Variants in DENND5B observed in about 807,000 individuals in gnomAD.
DENND5B encodes DENN domain containing 5B.
A neutral mutation model predicts 140.6 loss-of-function variants in DENND5B; 34 were observed. That is an observed-to-expected ratio of 0.24 (90% CI 0.18 to 0.32). DENND5B has a LOEUF of 0.32. Ranked by LOEUF, DENND5B falls within the 10% of genes least tolerant of loss-of-function variation. DENND5B has a pLI of 1.00. For synonymous variants in DENND5B, 551 were observed against 562.1 expected (o/e 0.98, Z 0.28); for missense variants, 1,142 against 1,560.2 (o/e 0.73, Z 4.52).
chr12:31,392,125 T>A (rs1468427820), intron 19 of DENND5B, 142 bp downstream of exon 19: 6 of 831,142 alleles, frequency 7.2e-6, no homozygotes, highest in African/African-American at 5.5e-5. Context: ...GGCAACAGAG[T>A]AAGATTCCGT....
chr12:31,387,680 G>C lies in DENND5B; in HGVS notation c.3748C>G (p.Leu1250Val), dbSNP rs754529686. ...TGAATGGTCTGCAGAATTCGGATAA[G>C]GGAGTTGACAGTCATGCGGTCTCGC... Reference protein sequence around the residue: ...LLRDRMTVNSLIRILQTIQDF... With the variant: ...LLRDRMTVNSVIRILQTIQDF... Residue 1250 changes from leucine to valine, a missense_variant, in exon 21 of 21, where the codon CTT becomes GTT. By Grantham distance (32) the Leu-to-Val change is conservative. Around this residue, in one of 5 missense-constraint regions of DENND5B, gnomAD observed 125 missense variants for 179.0 expected, o/e 0.70. Coordinates refer to ENST00000389082, the MANE Select transcript of DENND5B (RefSeq NM_144973.4). 5.6e-6 allele frequency: 9 copies of C among 1,614,058 alleles called. No homozygotes were observed. In the Admixed American group the frequency reaches 1.5e-4, roughly 27 times the overall value.
Position 31,501,490 on chromosome 12 carries a change from G to A in DENND5B, c.128-5571C>T, listed in dbSNP as rs897592745. 2.6e-5 allele frequency among the ~76,000 whole-genome samples: 4 copies of A among 152,256 alleles called. No homozygotes were observed. In the South Asian group the frequency reaches 8.3e-4, roughly 32 times the overall value. ...AGTAAAAACTAAAGAAATCTAAATA[G>A]AGGCCGGGCGCAGTGGCTCATGCCC... On this transcript the variant is annotated intron_variant, in intron 1 of 20. Transcript: ENST00000389082.
At chr12:31,461,061 T>TGC (rs1465056799) in intron 3 of DENND5B, among the ~76,000 whole-genome samples, 1 of 152,008 alleles carries the variant, frequency 6.6e-6, no homozygotes, top group Non-Finnish European at 1.5e-5. Context: ...TATACATGAA[T>TGC]GCTTACACAA....
intron 1 of DENND5B, among the ~76,000 whole-genome samples, chr12:31,573,226 T>A (rs1949884317): frequency 6.6e-6 from 1 of 152,252 alleles, no homozygotes; most frequent in Admixed American, 6.5e-5. Flanking sequence ...CAATTTATAC[T>A]TTAAATCCCA....
chr12:31,568,492 C>T (rs1286022228), intron 1 of DENND5B, among the ~76,000 whole-genome samples: 1 of 152,140 alleles, frequency 6.6e-6, no homozygotes, highest in Non-Finnish European at 1.5e-5. Context: ...TTTTACTTGC[C>T]ACACTGATTT....
chr12:31,556,202 C>T (rs756110223), intron 1 of DENND5B, among the ~76,000 whole-genome samples: 1 of 152,012 alleles, frequency 6.6e-6, no homozygotes, highest in African/African-American at 2.4e-5. Context: ...TTGGCTCCTC[C>T]CCCCTTTTTT....
At chr12:31,466,509 A>G (rs974937886) in intron 3 of DENND5B, among the ~76,000 whole-genome samples, 1 of 152,220 alleles carries the variant, frequency 6.6e-6, no homozygotes, top group East Asian at 1.9e-4. Flanking sequence ...CCTGACCAAC[A>G]TGGTGAAACC....
At chr12:31,498,236 A>T (rs1172515918) in intron 1 of DENND5B, among the ~76,000 whole-genome samples, 2 of 152,186 alleles carry the variant, frequency 1.3e-5, no homozygotes, top group Non-Finnish European at 2.9e-5. Context: ...AAGAAACAAG[A>T]CATAACCTAT....
At chr12:31,415,235 TA>T in intron 12 of DENND5B, 131 bp downstream of exon 12, 1 of 592,922 alleles carries the variant, frequency 1.7e-6, no homozygotes. Flanking sequence ...AATGAAATCA[TA>T]AAAAATGCTT....
chr12:31,567,995 CA>C (rs1314893147), intron 1 of DENND5B, among the ~76,000 whole-genome samples: 1 of 152,206 alleles, frequency 6.6e-6, no homozygotes, highest in Non-Finnish European at 1.5e-5. Context: ...TGAGCCACCA[CA>C]ACTGGCCTCT....
intron 1 of DENND5B, among the ~76,000 whole-genome samples, chr12:31,496,755 A>G (rs1946775274): frequency 6.6e-6 from 1 of 152,098 alleles, no homozygotes; most frequent in Non-Finnish European, 1.5e-5. Context: ...TGAAAATTCA[A>G]TAATAGCTAT....
intron 3 of DENND5B, 27 bp from the exon 4 acceptor site, chr12:31,460,408 G>A: frequency 6.3e-7 from 1 of 1,587,742 alleles, no homozygotes; most frequent in Non-Finnish European, 8.6e-7. Flanking sequence ...AAAAGGAAAG[G>A]GAAGAGTCCA....
At chr12:31,484,749 C>T (rs187572926) in intron 2 of DENND5B, among the ~76,000 whole-genome samples, 83 of 152,088 alleles carry the variant, frequency 5.5e-4, no homozygotes, top group African/African-American at 1.9e-3. Flanking sequence ...TGCAGTGAGC[C>T]GAGATTGTGC....
At chr12:31,426,259 T>C (rs1384845520) in intron 9 of DENND5B, 34 bp downstream of exon 9, 3 of 1,586,340 alleles carry the variant, frequency 1.9e-6, no homozygotes, top group South Asian at 1.2e-5. Flanking sequence ...TAAACATGAA[T>C]GCACACTGTC....
chr12:31,580,486 ATTTAT>A (rs977208743), intron 1 of DENND5B, among the ~76,000 whole-genome samples: 7 of 151,594 alleles, frequency 4.6e-5, no homozygotes, highest in South Asian at 4.2e-4. Context: ...TACTGTTTTT[ATTTAT>A]TTTATTTTAT....
intron 1 of DENND5B, among the ~76,000 whole-genome samples, chr12:31,511,447 TTAAAA>T (rs1409045718): frequency 3.9e-5 from 6 of 152,298 alleles, no homozygotes; most frequent in Non-Finnish European, 5.9e-5. Context: ...AATTGATGTG[TTAAAA>T]TAAAATTTTT....
Position 31,480,231 on chromosome 12 carries a change from AAGAT to A in DENND5B, c.258_261del (p.Phe88GlyfsTer15). The A allele has an allele frequency of 6.3e-7, 1 of 1,588,490 alleles. No individual in the cohort carries two copies. Among genetic ancestry groups the A allele is most frequent in the Non-Finnish European group, 8.6e-7 (1 of 1,167,952 alleles). The stretch of plus-strand genomic sequence containing the variant: ...TCTTTATTGTCCGTTTGTGTCCTGA[AAGAT>A]AGCCCTTTAGGCATGCACAACTGTG... On this transcript the variant is annotated frameshift_variant, in exon 3 of 21. Transcript: ENST00000389082. LOFTEE classifies it high-confidence loss of function.
chr12:31,424,048 T>C (rs955000415), intron 10 of DENND5B, among the ~76,000 whole-genome samples: 12 of 152,008 alleles, frequency 7.9e-5, no homozygotes, highest in Admixed American at 4.6e-4. Flanking sequence ...TACATCTACA[T>C]GTAAAATATG....
At chr12:31,456,348 A>T (rs1446192598) in intron 4 of DENND5B, among the ~76,000 whole-genome samples, 3 of 136,302 alleles carry the variant, frequency 2.2e-5, no homozygotes, top group African/African-American at 5.2e-5. Context: ...AAAAAAAAAA[A>T]ATTCCCTCAA....
Sources: gnomAD v4.1 joint callset for allele counts (sites outside exome capture counted in the v4.1 genomes callset) on GRCh38, gnomAD v4.1.1 for gene constraint, gnomAD v4.1.1 regional missense constraint, MANE v1.5 for transcripts, NCBI Gene and HGNC (gene_info 2026-07-23, HGNC 2026-07-21) for gene names.